The following CEP112 variants were observed in gnomAD, a reference collection of about 807,000 sequenced individuals.
CEP112 encodes the protein centrosomal protein of 112 kDa.
Under a neutral mutation model 153.0 loss-of-function variants are expected in CEP112, and 127 were observed. The ratio of observed to expected loss-of-function variants is 0.83; its 90% CI spans 0.72 to 0.96. CEP112 has a LOEUF of 0.96. Among genes scored for constraint, CEP112 ranks in the 40% least tolerant of loss-of-function variants. The pLI is 0.00. For missense variants in CEP112, 1,089 were observed against 1,101.2 expected (o/e 0.99, Z 0.16); for synonymous variants, 358 against 374.4 (o/e 0.96, Z 0.51).
Position 66,019,572 on chromosome 17 carries a change from T to A in CEP112, c.1656+7929A>T, listed in dbSNP as rs372283338. Among the ~76,000 whole-genome samples the A allele has an allele frequency of 3.9e-5, 6 of 152,340 alleles. No individual in the cohort carries two copies. The East Asian group carries it at 7.7e-4, about 20-fold the overall frequency. On this transcript the variant is annotated intron_variant, in intron 16 of 26. Coordinates refer to ENST00000535342, the MANE Select transcript of CEP112 (RefSeq NM_001199165.4). Reference sequence around the variant, plus strand: ...CATGCTGAGCAACATTTTCTTCCAATGTAAATAATGTTAGGAACATATGCA... The same window carrying A: ...CATGCTGAGCAACATTTTCTTCCAAAGTAAATAATGTTAGGAACATATGCA...
chr17:66,035,302 G>GC (rs1030169417), intron 12 of CEP112, among the ~76,000 whole-genome samples: 1 of 152,010 alleles, frequency 6.6e-6, no homozygotes, highest in African/African-American at 2.4e-5. Context: ...CCTATTAAAT[G>GC]CTGTGGTCTG....
intron 24 of CEP112, among the ~76,000 whole-genome samples, chr17:65,669,397 A>G (rs1296966612): frequency 1.3e-5 from 2 of 152,200 alleles, no homozygotes; most frequent in Non-Finnish European, 2.9e-5. Context: ...TGGAGTTTGA[A>G]AAAGGGTATG....
intron 19 of CEP112, among the ~76,000 whole-genome samples, chr17:65,920,484 G>A (rs577347860): frequency 1.6e-4 from 23 of 144,794 alleles, no homozygotes; most frequent in Admixed American, 6.3e-4. Context: ...CTGAATATGT[G>A]TAAAGCAAGC....
intron 21 of CEP112, chr17:65,797,418 G>C (rs971312254): frequency 3.9e-5 from 6 of 152,154 alleles, no homozygotes; most frequent in Admixed American, 3.9e-4. Context: ...GCTTATTCTT[G>C]AGTACTTAAA....
At chr17:65,969,916 G>A (rs1019472187) in intron 17 of CEP112, among the ~76,000 whole-genome samples, 4 of 150,500 alleles carry the variant, frequency 2.7e-5, no homozygotes, top group Non-Finnish European at 4.4e-5. Flanking sequence ...CATATTACAT[G>A]CATATCACAT....
Position 66,096,000 on chromosome 17 carries a change from C to T in CEP112, c.768+251G>A, listed in dbSNP as rs552966126. Among the ~76,000 whole-genome samples, 5 of 152,206 alleles carry T rather than the reference C, an allele frequency of 3.3e-5. No individual in the cohort carries two copies. The South Asian group carries it at 8.3e-4, about 25-fold the overall frequency. On this transcript the variant is annotated intron_variant, in intron 8 of 26. Transcript: ENST00000535342. ...GGCTGAGGTGGGAGGACTGCTTGAT[C>T]CCAGTGAGCTCTGATCACACCACTG...
In CEP112 at chr17:65,927,136, C is replaced by A. The variant is rs145719993; in HGVS notation, c.1980+446G>T. Among the ~76,000 whole-genome samples the A allele has an allele frequency of 2.7e-3, 417 of 152,190 alleles. 6 individuals are homozygous for A. Among genetic ancestry groups the A allele is most frequent in the African/African-American group, 9.4e-3 (392 of 41,512 alleles). ...CCTGGTCATTTAAAAGTGTACGGCA[C>A]CTCCTCGCTTCTCTCTCTCTCTCTC... On this transcript the variant is annotated intron_variant, in intron 19 of 26. Transcript: ENST00000535342.
intron 18 of CEP112, among the ~76,000 whole-genome samples, chr17:65,955,617 A>G (rs902491728): frequency 2.6e-5 from 4 of 152,202 alleles, no homozygotes; most frequent in Admixed American, 2.6e-4. Flanking sequence ...CACCTAACAC[A>G]TAAGGACTCA....
intron 6 of CEP112, among the ~76,000 whole-genome samples, chr17:66,112,245 G>A (rs1189264584): frequency 6.6e-6 from 1 of 151,766 alleles, no homozygotes; most frequent in Non-Finnish European, 1.5e-5. Context: ...GAGCCAAGAT[G>A]GGGCCATCGC....
chr17:66,134,798 G>A (rs2070363228), intron 4 of CEP112, among the ~76,000 whole-genome samples: 1 of 152,058 alleles, frequency 6.6e-6, no homozygotes, highest in Non-Finnish European at 1.5e-5. Flanking sequence ...CTCCAGCCTG[G>A]GTGACAGAGT....
chr17:66,101,320 G>A (rs928275074), intron 6 of CEP112, among the ~76,000 whole-genome samples: 1 of 151,708 alleles, frequency 6.6e-6, no homozygotes, highest in African/African-American at 2.4e-5. Context: ...TTTCCTCCAA[G>A]AATCAAGACC....
At chr17:65,764,430 T>C (rs554020635) in intron 21 of CEP112, among the ~76,000 whole-genome samples, 2 of 152,354 alleles carry the variant, frequency 1.3e-5, no homozygotes, top group South Asian at 2.1e-4. Context: ...ATTTAGGTGC[T>C]CTAATGTCTA....
intron 21 of CEP112, among the ~76,000 whole-genome samples, chr17:65,838,597 T>C (rs2057405379): frequency 6.6e-6 from 1 of 151,798 alleles, no homozygotes; most frequent in Non-Finnish European, 1.5e-5. Flanking sequence ...CTAGGAAATA[T>C]AAAAGGTAGA....
intron 11 of CEP112, among the ~76,000 whole-genome samples, chr17:66,062,587 T>G (rs1034043855): frequency 4.0e-4 from 61 of 152,080 alleles, no homozygotes; most frequent in African/African-American, 1.3e-3. Flanking sequence ...CCATATTATA[T>G]TTTCTAAAAT....
rs180967437 is a variant in CEP112 at position 66,037,752 on chromosome 17, T to A, written c.1219-7729A>T. ...AGAACCAGTCCCTTCAGCACACTAC[T>A]CACCATATTCCATCAGGCTCATACT... On this transcript the variant is annotated intron_variant, in intron 12 of 26. Coordinates refer to ENST00000535342, the MANE Select transcript of CEP112 (RefSeq NM_001199165.4). Among the ~76,000 whole-genome samples the A allele has an allele frequency of 1.4e-4, 22 of 152,208 alleles. No individual in the cohort carries two copies. In the East Asian group the frequency reaches 3.1e-3, roughly 21 times the overall value.
At chr17:65,676,873 T>C (rs1407622209) in intron 24 of CEP112, among the ~76,000 whole-genome samples, 1 of 152,146 alleles carries the variant, frequency 6.6e-6, no homozygotes, top group Non-Finnish European at 1.5e-5. Flanking sequence ...GCAAATAAAA[T>C]CTTAAGCTGA....
At chr17:65,970,453 CATGCATGCACACATGCATGT>C (rs2062673261) in intron 17 of CEP112, among the ~76,000 whole-genome samples, 2 of 87,032 alleles carry the variant, frequency 2.3e-5, no homozygotes, top group Non-Finnish European at 4.9e-5. Flanking sequence ...ATGTATATTA[CATGCATGCACACATGCATGT>C]ATATTACATG....
intron 4 of CEP112, among the ~76,000 whole-genome samples, chr17:66,142,469 G>A (rs928072690): frequency 6.6e-6 from 1 of 152,040 alleles, no homozygotes; most frequent in African/African-American, 2.4e-5. Context: ...TCTTCTAGTC[G>A]TTTACAGTTT....
intron 24 of CEP112, among the ~76,000 whole-genome samples, chr17:65,666,625 T>C (rs758714574): frequency 7.2e-5 from 11 of 152,220 alleles, no homozygotes; most frequent in Non-Finnish European, 8.8e-5. Context: ...ATGGAAGTGA[T>C]TGAAGGACAG....
Sources: allele counts gnomAD v4.1 joint callset (sites outside exome capture counted in the v4.1 genomes callset), GRCh38; gene constraint gnomAD v4.1.1; transcripts MANE v1.5; gene names NCBI Gene and HGNC (gene_info 2026-07-23, HGNC 2026-07-21).